DEPDC1B: variants seen among roughly 807,000 people sequenced by gnomAD.
DEPDC1B encodes DEP domain containing 1B, also known as DEP domain-containing protein 1B.
DEPDC1B carries 51 observed loss-of-function variants against 66.5 expected under a neutral mutation model. That is an observed-to-expected ratio of 0.77 (90% CI 0.61 to 0.97). DEPDC1B has a LOEUF of 0.97. DEPDC1B is among the 50% of genes least tolerant of loss of function. DEPDC1B has a pLI of 0.00. For missense variants in DEPDC1B, 552 were observed against 637.1 expected, an observed-to-expected ratio of 0.87 and a Z score of 1.44; for synonymous variants, 226 against 223.6, an observed-to-expected ratio of 1.01 and a Z score of -0.10.
chr5:60,603,264 C>G (rs1304397462), intron 9 of DEPDC1B, 127 bp downstream of exon 9: 1 of 807,538 alleles, frequency 1.2e-6, no homozygotes, highest in Non-Finnish European at 1.8e-6. Context: ...TGTGCCAAGA[C>G]CTGTTGTAAG....
chr5:60,600,487 T>C (rs1410365056), intron 9 of DEPDC1B, among the ~76,000 whole-genome samples: 1 of 152,156 alleles, frequency 6.6e-6, no homozygotes, highest in Non-Finnish European at 1.5e-5. Flanking sequence ...CAAGCAACAC[T>C]GCATTTTCAG....
intron 2 of DEPDC1B, among the ~76,000 whole-genome samples, chr5:60,679,544 A>C (rs993126955): frequency 6.6e-6 from 1 of 152,208 alleles, no homozygotes; most frequent in Non-Finnish European, 1.5e-5. Context: ...TAGAAACAAA[A>C]AAGAAAAAAG....
At chr5:60,659,549 C>G (rs1206459342) in intron 2 of DEPDC1B, among the ~76,000 whole-genome samples, 3 of 152,206 alleles carry the variant, frequency 2.0e-5, no homozygotes, top group African/African-American at 7.2e-5. Context: ...CCTGGGGAAG[C>G]CAAGGGCTGA....
At chr5:60,622,767 A>G (rs968793167) in intron 7 of DEPDC1B, among the ~76,000 whole-genome samples, 2 of 152,162 alleles carry the variant, frequency 1.3e-5, no homozygotes, top group East Asian at 3.8e-4. Context: ...TTTAATCTGC[A>G]TTTCCTGTAT....
intron 7 of DEPDC1B, among the ~76,000 whole-genome samples, chr5:60,635,760 G>A (rs1008034017): frequency 6.6e-6 from 1 of 152,160 alleles, no homozygotes; most frequent in African/African-American, 2.4e-5. Context: ...GCCCAGGGCT[G>A]CCAGATCTTC....
chr5:60,649,612 T>C (rs1753396411), intron 2 of DEPDC1B, among the ~76,000 whole-genome samples: 1 of 152,184 alleles, frequency 6.6e-6, no homozygotes, highest in South Asian at 2.1e-4. Flanking sequence ...TGCCACATTT[T>C]TCACTCAGAG....
At chr5:60,667,437 A>AAAAATGGATATTTTACATATATAC (rs1753869896) in intron 2 of DEPDC1B, among the ~76,000 whole-genome samples, 1 of 137,520 alleles carries the variant, frequency 7.3e-6, no homozygotes, top group African/African-American at 2.7e-5. Context: ...ACATATATAC[A>AAAAATGGATATTTTACATATATAC]AAAAATGGAT....
intron 2 of DEPDC1B, among the ~76,000 whole-genome samples, chr5:60,662,498 A>T (rs1463722975): frequency 6.6e-6 from 1 of 152,186 alleles, no homozygotes; most frequent in Admixed American, 6.5e-5. Flanking sequence ...AACAGGTGGA[A>T]CGGGACAAAT....
chr5:60,640,069 C>CT (rs1245527278), intron 6 of DEPDC1B, among the ~76,000 whole-genome samples: 1 of 152,158 alleles, frequency 6.6e-6, no homozygotes, highest in African/African-American at 2.4e-5. Context: ...TTTCGGCCTC[C>CT]TTAAAGACTC....
At chr5:60,619,298 G>A (rs976210516) in intron 7 of DEPDC1B, among the ~76,000 whole-genome samples, 3 of 152,344 alleles carry the variant, frequency 2.0e-5, no homozygotes, top group African/African-American at 7.2e-5. Context: ...AGGCAATCAG[G>A]AAGGAGAAGG....
chr5:60,637,461 C>G (rs1282122518), intron 7 of DEPDC1B, among the ~76,000 whole-genome samples: 2 of 152,216 alleles, frequency 1.3e-5, no homozygotes, highest in Non-Finnish European at 2.9e-5. Context: ...TGCCATGCTT[C>G]TTGAACAGTC....
intron 2 of DEPDC1B, among the ~76,000 whole-genome samples, chr5:60,658,701 G>T (rs890454089): frequency 2.0e-5 from 3 of 152,218 alleles, no homozygotes; most frequent in Non-Finnish European, 4.4e-5. Context: ...TGAGAGCACA[G>T]GGGGAGGGAC....
chr5:60,599,960 A>G (rs987033156), intron 9 of DEPDC1B, among the ~76,000 whole-genome samples: 1 of 151,976 alleles, frequency 6.6e-6, no homozygotes, highest in African/African-American at 2.4e-5. Context: ...CTCTAGGGCC[A>G]CTGGGTTAGG....
At chr5:60,677,978 A>C (rs1754209556) in intron 2 of DEPDC1B, among the ~76,000 whole-genome samples, 1 of 152,224 alleles carries the variant, frequency 6.6e-6, no homozygotes, top group African/African-American at 2.4e-5. Flanking sequence ...CCTATTGGGT[A>C]GTGATGAAAG....
At chr5:60,662,838 G>A (rs1032511759) in intron 2 of DEPDC1B, among the ~76,000 whole-genome samples, 1 of 152,076 alleles carries the variant, frequency 6.6e-6, no homozygotes, top group Non-Finnish European at 1.5e-5. Context: ...AGAGCCCCAG[G>A]TATGCTTGAC....
Position 60,674,792 on chromosome 5 carries a change from T to C in DEPDC1B, c.314+12170A>G, listed in dbSNP as rs372482728. 1.1e-4 allele frequency among the ~76,000 whole-genome samples: 17 copies of C among 152,078 alleles called. No homozygotes were observed. The South Asian group carries it at 3.3e-3, about 30-fold the overall frequency. On this transcript the variant is annotated intron_variant, in intron 2 of 10. Coordinates refer to ENST00000265036, the MANE Select transcript of DEPDC1B (RefSeq NM_018369.3). ...AAACAAATTCTGGCTGATTTAACCATAAAGGAATTTGGAGATACCAAATAG... is the reference window on the plus strand; with the variant it reads ...AAACAAATTCTGGCTGATTTAACCACAAAGGAATTTGGAGATACCAAATAG...
chr5:60,686,863 C>T (rs1230596906), intron 2 of DEPDC1B, 99 bp downstream of exon 2: 4 of 1,436,918 alleles, frequency 2.8e-6, no homozygotes, highest in Non-Finnish European at 3.8e-6. Context: ...GTTCAGTGAA[C>T]AAGGTAAATT....
intron 8 of DEPDC1B, among the ~76,000 whole-genome samples, 165 bp from the exon 9 acceptor site, chr5:60,603,732 G>C (rs1331237421): frequency 2.0e-5 from 3 of 151,810 alleles, no homozygotes; most frequent in African/African-American, 4.8e-5. Flanking sequence ...TCAACAACCA[G>C]AACAAACAAA....
chr5:60,675,305 T>TA (rs1454418218), intron 2 of DEPDC1B, among the ~76,000 whole-genome samples: 13 of 148,034 alleles, frequency 8.8e-5, no homozygotes, highest in African/African-American at 3.4e-4. Context: ...TGTCCCTATG[T>TA]ATATTTTCAT....
Sources: allele counts gnomAD v4.1 joint callset (sites outside exome capture counted in the v4.1 genomes callset), GRCh38; gene constraint gnomAD v4.1.1; transcripts MANE v1.5; gene names NCBI Gene and HGNC (gene_info 2026-07-23, HGNC 2026-07-21).